The following UPF2 variants were observed in gnomAD, a reference collection of about 807,000 sequenced individuals.
The protein encoded by UPF2 is regulator of nonsense transcripts 2.
A neutral mutation model predicts 141.4 loss-of-function variants in UPF2; 17 were observed. That is an observed-to-expected ratio of 0.12 (90% CI 0.08 to 0.18). The LOEUF is 0.18. UPF2 is among the 10% of genes least tolerant of loss of function. The pLI is 1.00. For missense variants in UPF2, 1,152 were observed against 1,515.9 expected, an observed-to-expected ratio of 0.76 and a Z score of 3.99; for synonymous variants, 540 against 498.0, an observed-to-expected ratio of 1.08 and a Z score of -1.12.
intron 16 of UPF2, among the ~76,000 whole-genome samples, chr10:11,943,491 A>G (rs1015657625): frequency 3.3e-5 from 5 of 152,202 alleles, no homozygotes; most frequent in Non-Finnish European, 1.5e-5. Context: ...GAGAGGCTGA[A>G]TGTCTCACAG....
At chr10:12,021,792 G>A (rs1443738609) in intron 3 of UPF2, among the ~76,000 whole-genome samples, 1 of 152,038 alleles carries the variant, frequency 6.6e-6, no homozygotes, top group Non-Finnish European at 1.5e-5. Flanking sequence ...AAAACTGCTG[G>A]GTTTTATATC....
intron 4 of UPF2, among the ~76,000 whole-genome samples, chr10:12,013,496 A>T (rs1460661593): frequency 6.6e-6 from 1 of 151,994 alleles, no homozygotes; most frequent in Non-Finnish European, 1.5e-5. Flanking sequence ...GCTGGTCTTG[A>T]ACTCCTGACC....
chr10:12,033,125 C>T (rs1834558462), intron 2 of UPF2, among the ~76,000 whole-genome samples: 1 of 152,104 alleles, frequency 6.6e-6, no homozygotes, highest in South Asian at 2.1e-4. Flanking sequence ...TATATTTGGC[C>T]ACGCAAAGTA....
intron 17 of UPF2, 40 bp from the exon 18 acceptor site, chr10:11,942,803 A>T (rs2131171086): frequency 6.3e-7 from 1 of 1,584,318 alleles, no homozygotes; most frequent in East Asian, 2.2e-5. Flanking sequence ...CAGAAATTTT[A>T]ACTGTAATGT....
chr10:11,924,906 C>T (rs1047073384), intron 21 of UPF2, among the ~76,000 whole-genome samples: 3 of 152,144 alleles, frequency 2.0e-5, no homozygotes, highest in African/African-American at 7.2e-5. Flanking sequence ...TGCAACCTCA[C>T]CTCCCAGGTT....
chr10:11,975,210 A>C (rs1018352738), intron 9 of UPF2, among the ~76,000 whole-genome samples: 4 of 152,184 alleles, frequency 2.6e-5, no homozygotes, highest in African/African-American at 9.7e-5. Context: ...GCAGTGAGCT[A>C]TGATCATGCC....
rs1259738854 is a variant in UPF2 at position 11,992,576 on chromosome 10, C to T, written c.1844+5096G>A. On this transcript the variant is annotated intron_variant, in intron 8 of 21. Coordinates refer to ENST00000357604, the MANE Select transcript of UPF2 (RefSeq NM_015542.4). This position sits in a 1 kb window ranked among gnomAD's most constrained non-coding sequence, Gnocchi z 4.1. ...TAAAACCAAGAAACATACACTCATG[C>T]GTGCACACTAAATTAAAAAATATAA... Among the ~76,000 whole-genome samples, 2 of 151,926 alleles carry T rather than the reference C, an allele frequency of 1.3e-5. No individual in the cohort carries two copies. Among genetic ancestry groups the T allele is most frequent in the Admixed American group, 6.6e-5 (1 of 15,248 alleles).
intron 9 of UPF2, among the ~76,000 whole-genome samples, chr10:11,977,712 T>C (rs1483463562): frequency 6.6e-6 from 1 of 152,202 alleles, no homozygotes; most frequent in Non-Finnish European, 1.5e-5. Context: ...GCTATATCTG[T>C]CTCTGAACTA....
chr10:11,967,546 G>GTTTTTT (rs755905255), intron 9 of UPF2, 92 bp from the exon 10 acceptor site: 85 of 243,000 alleles, frequency 3.5e-4, no homozygotes, highest in South Asian at 1.2e-3. Context: ...ATTCACTCCA[G>GTTTTTT]TTTTTTTTTT....
intron 8 of UPF2, among the ~76,000 whole-genome samples, chr10:11,991,255 GA>G (rs1214167491): frequency 6.6e-6 from 1 of 152,000 alleles, no homozygotes; most frequent in East Asian, 1.9e-4. Flanking sequence ...GAAGAAATGA[GA>G]AAAAGAGTAG....
chr10:12,027,364 C>G (rs145579158), intron 3 of UPF2, among the ~76,000 whole-genome samples: 1 of 152,180 alleles, frequency 6.6e-6, no homozygotes, highest in African/African-American at 2.4e-5. Flanking sequence ...CTCAAAGTAG[C>G]CAAGAACTAA....
intron 18 of UPF2, among the ~76,000 whole-genome samples, chr10:11,938,853 G>GTTTTTTTTTTGTT (rs1832890354): frequency 2.5e-5 from 2 of 79,832 alleles, no homozygotes; most frequent in African/African-American, 5.0e-5. Context: ...TTTTTTTTTT[G>GTTTTTTTTTTGTT]TTTTTTTTTT....
chr10:11,959,185 C>T lies in UPF2; in HGVS notation c.2356G>A (p.Val786Ile). 2.5e-6 allele frequency: 4 copies of T among 1,600,422 alleles called. No homozygotes were observed. Among genetic ancestry groups the T allele is most frequent in the South Asian group, 1.1e-5 (1 of 88,992 alleles). The part of the protein sequence containing the change: ...RKLLYKDLSK[V>I]TTEKVLRQMR... ...ATAAGATTTACCTTCTCGGTGGTAA[C>T]CTTAGAGAGATCCTTGTACAAAAGT... Residue 786 changes from valine (V) to isoleucine (I), a missense_variant, in exon 12 of 22, where the codon GTT becomes ATT. By Grantham distance (29) the Val-to-Ile change is conservative. Coordinates refer to ENST00000357604, the MANE Select transcript of UPF2 (RefSeq NM_015542.4). The surrounding 1 kb of genome is among the most constrained non-coding windows in gnomAD (Gnocchi z 5.9).
chr10:11,978,759 A>G (rs1833546871), intron 9 of UPF2, among the ~76,000 whole-genome samples: 1 of 152,188 alleles, frequency 6.6e-6, no homozygotes, highest in Non-Finnish European at 1.5e-5. Flanking sequence ...ACACCAGTGA[A>G]GGCTCTGGCT....
At chr10:11,972,824 A>T (rs1034641446) in intron 9 of UPF2, among the ~76,000 whole-genome samples, 3 of 152,190 alleles carry the variant, frequency 2.0e-5, no homozygotes, top group Admixed American at 2.0e-4. Flanking sequence ...TGCTTTTGTG[A>T]ATAGTGCCAC....
At chr10:11,927,166 C>T (rs1199533232) in intron 21 of UPF2, among the ~76,000 whole-genome samples, 1 of 152,210 alleles carries the variant, frequency 6.6e-6, no homozygotes, top group Admixed American at 6.5e-5. Flanking sequence ...GATGAGTGTA[C>T]ACGGAGGGAG....
At chr10:11,948,130 C>T (rs138940334) in intron 16 of UPF2, among the ~76,000 whole-genome samples, 1 of 151,388 alleles carries the variant, frequency 6.6e-6, no homozygotes, top group Non-Finnish European at 1.5e-5. Context: ...TGCTTGTTAT[C>T]TCAGCTACTC....
At chr10:12,013,561 C>T (rs1027583935) in intron 4 of UPF2, among the ~76,000 whole-genome samples, 3 of 152,104 alleles carry the variant, frequency 2.0e-5, no homozygotes, top group Non-Finnish European at 2.9e-5. Context: ...GCATGAGCCA[C>T]TGCGCCCGGC....
chr10:12,014,398 G>A lies in UPF2; in HGVS notation c.1146-214C>T, dbSNP rs577813558. ...TAAATTTTAACACTGGTTCCTCAAA[G>A]AATATGCAGCATGCTTGCTGAAATA... On this transcript the variant is annotated intron_variant, in intron 3 of 21. Transcript: ENST00000357604. The surrounding 1 kb of genome is among the most constrained non-coding windows in gnomAD (Gnocchi z 5.0). Among the ~76,000 whole-genome samples, 15 of 152,092 alleles carry A rather than the reference G, an allele frequency of 9.9e-5. No individual in the cohort carries two copies. The highest frequency in any genetic ancestry group is 3.4e-4 in the African/African-American group (14 of 41,504).
Sources: allele counts gnomAD v4.1 joint callset (sites outside exome capture counted in the v4.1 genomes callset), GRCh38; gene constraint gnomAD v4.1.1; non-coding constraint Gnocchi (gnomAD v3.1); transcripts MANE v1.5; gene names NCBI Gene and HGNC (gene_info 2026-07-23, HGNC 2026-07-21).